The following AKT3 variants were observed in gnomAD, a reference collection of about 807,000 sequenced individuals.
The protein encoded by AKT3 is AKT serine/threonine kinase 3.
AKT3 carries 15 observed loss-of-function variants against 65.3 expected under a neutral mutation model. The observed-to-expected ratio is 0.23, with a 90% CI of 0.15 to 0.35. AKT3 has a LOEUF of 0.35. Ranked by LOEUF, AKT3 falls within the 10% of genes least tolerant of loss-of-function variation. AKT3 has a pLI of 1.00. For missense variants in AKT3, 243 were observed against 576.5 expected (o/e 0.42, Z 5.92); for synonymous variants, 206 against 183.8 (o/e 1.12, Z -0.98).
At chr1:243,732,715 T>A (rs187526084) in intron 2 of AKT3, among the ~76,000 whole-genome samples, 15 of 152,324 alleles carry the variant, frequency 9.8e-5, no homozygotes, top group African/African-American at 3.6e-4. Flanking sequence ...CTACAAAGAA[T>A]CCAGTGCACC....
chr1:243,619,290 A>T (rs1678566441), intron 6 of AKT3, among the ~76,000 whole-genome samples: 1 of 152,152 alleles, frequency 6.6e-6, no homozygotes, highest in Non-Finnish European at 1.5e-5. Flanking sequence ...CACATTCCAT[A>T]TGTGTAATGA....
chr1:243,539,775 T>C (rs1441206350), intron 12 of AKT3, among the ~76,000 whole-genome samples: 4 of 152,162 alleles, frequency 2.6e-5, no homozygotes, highest in African/African-American at 4.8e-5. Context: ...TAAAACTCTT[T>C]TGAAATGAAA....
intron 11 of AKT3, among the ~76,000 whole-genome samples, chr1:243,552,418 GAAAA>G (rs1173598771): frequency 6.8e-6 from 1 of 147,880 alleles, no homozygotes; most frequent in Non-Finnish European, 1.5e-5. Context: ...CTGAAAGAAA[GAAAA>G]GTGATTCTTC....
intron 1 of AKT3, among the ~76,000 whole-genome samples, chr1:243,847,231 T>C (rs1030603530): frequency 6.6e-6 from 1 of 152,128 alleles, no homozygotes; most frequent in Non-Finnish European, 1.5e-5. Context: ...AAAATGAAAA[T>C]GGTTTTTCAG....
intron 6 of AKT3, among the ~76,000 whole-genome samples, chr1:243,626,847 G>C (rs1405788851): frequency 6.6e-6 from 1 of 152,136 alleles, no homozygotes; most frequent in Middle Eastern, 3.2e-3. Flanking sequence ...TATGTTTTGG[G>C]GAAGGATATG....
chr1:243,636,437 A>G (rs1396562624), intron 6 of AKT3, among the ~76,000 whole-genome samples: 1 of 152,090 alleles, frequency 6.6e-6, no homozygotes, highest in Non-Finnish European at 1.5e-5. Flanking sequence ...ACCTGACATT[A>G]TACTACCTCC....
chr1:243,595,063 G>A (rs1318120993), intron 8 of AKT3, among the ~76,000 whole-genome samples: 2 of 152,136 alleles, frequency 1.3e-5, no homozygotes, highest in Non-Finnish European at 2.9e-5. Flanking sequence ...CTTAATGATG[G>A]GGATACATTC....
intron 2 of AKT3, among the ~76,000 whole-genome samples, chr1:243,744,819 T>C (rs941735301): frequency 6.6e-6 from 1 of 151,986 alleles, no homozygotes; most frequent in Non-Finnish European, 1.5e-5. Flanking sequence ...CCACCAACTA[T>C]TAGTTCCAGT....
chr1:243,790,122 A>G (rs530257443), intron 2 of AKT3, among the ~76,000 whole-genome samples: 1 of 152,348 alleles, frequency 6.6e-6, no homozygotes, highest in Non-Finnish European at 1.5e-5. Context: ...CACCAGCTGC[A>G]TTAGCTACGA....
At chr1:243,594,085 TAAG>T (rs1676430671) in intron 8 of AKT3, among the ~76,000 whole-genome samples, 1 of 152,156 alleles carries the variant, frequency 6.6e-6, no homozygotes, top group African/African-American at 2.4e-5. Flanking sequence ...CTAGAACTAA[TAAG>T]TGAGCTTAGG....
At chr1:243,776,402 T>A (rs1289748871) in intron 2 of AKT3, among the ~76,000 whole-genome samples, 2 of 152,146 alleles carry the variant, frequency 1.3e-5, no homozygotes, top group African/African-American at 4.8e-5. Flanking sequence ...AGATTAGAGT[T>A]AGATGAAGTT....
chr1:243,623,558 G>A (rs1042803213), intron 6 of AKT3, among the ~76,000 whole-genome samples: 1 of 152,110 alleles, frequency 6.6e-6, no homozygotes, highest in Non-Finnish European at 1.5e-5. Flanking sequence ...GCACTCTCCT[G>A]GAATGGGGAC....
chr1:243,743,277 A>T (rs1398599378), intron 2 of AKT3, among the ~76,000 whole-genome samples: 1 of 152,212 alleles, frequency 6.6e-6, no homozygotes, highest in Non-Finnish European at 1.5e-5. Context: ...TAATAATTTT[A>T]CCCTGGAAGA....
chr1:243,564,911 G>A (rs1258415251), intron 9 of AKT3, among the ~76,000 whole-genome samples: 1 of 151,192 alleles, frequency 6.6e-6, no homozygotes, highest in Non-Finnish European at 1.5e-5. Flanking sequence ...CCTGGACTCT[G>A]AAGTTAATAT....
intron 6 of AKT3, among the ~76,000 whole-genome samples, chr1:243,621,435 C>T (rs1158219979): frequency 6.6e-6 from 1 of 152,134 alleles, no homozygotes; most frequent in African/African-American, 2.4e-5. Flanking sequence ...TTGCTGCTTC[C>T]TTTGCTCTGA....
In AKT3 at chr1:243,613,953, CTAAAAT is replaced by C. The variant is rs368764571; in HGVS notation, c.628-220_628-215del. ...ACAATAGGTATTATTACAAGAAAAA[CTAAAAT>C]TAAAATTTCAAGTAAAAGTAAACTT... On this transcript the variant is annotated intron_variant, in intron 7 of 13. Transcript: ENST00000673466. 4.2e-3 allele frequency among the ~76,000 whole-genome samples: 642 copies of C among 152,132 alleles called. 5 individuals are homozygous for C. Among genetic ancestry groups the C allele is most frequent in the African/African-American group, 0.015 (615 of 41,526 alleles).
At chr1:243,661,229 A>G (rs1682297344) in intron 4 of AKT3, among the ~76,000 whole-genome samples, 1 of 152,152 alleles carries the variant, frequency 6.6e-6, no homozygotes, top group African/African-American at 2.4e-5. Context: ...TATGGAACCA[A>G]AAAAGAGCCT....
chr1:243,637,684 A>G lies in AKT3; in HGVS notation c.488T>C (p.Ile163Thr). 1 of 1,603,686 alleles carries G rather than the reference A, an allele frequency of 6.2e-7. No homozygotes were observed. The highest frequency in any genetic ancestry group is 8.5e-7 in the Non-Finnish European group (1 of 1,171,520). The change falls in exon 6 of 14, where the codon ATT becomes ACT. Residue 163 changes from isoleucine (I) to threonine (T), a missense_variant. By Grantham distance (89) the Ile-to-Thr change is moderately conservative (BLOSUM62 -1). Around this residue, in one of 6 missense-constraint regions of AKT3, gnomAD observed 61 missense variants for 163.3 expected, o/e 0.37. Coordinates refer to ENST00000673466, the MANE Select transcript of AKT3 (RefSeq NM_005465.7). ...LLGKGTFGKV[I>T]LVREKASGKY... ...TCCACTTGCCTTCTCTCGAACCAAA[A>G]TAACTTTCCCAAAAGTGCCTTTACC...
chr1:243,597,348 T>C lies in AKT3; in HGVS notation c.696+16323A>G, dbSNP rs75220870. Among the ~76,000 whole-genome samples the C allele has an allele frequency of 9.2e-3, 1,407 of 152,318 alleles. 21 individuals are homozygous for C. Among genetic ancestry groups the C allele is most frequent in the African/African-American group, 0.032 (1,334 of 41,576 alleles). The stretch of plus-strand genomic sequence containing the variant: ...TTTTAAAATGATAAAATTGAAAATA[T>C]GTGTACAGTATAAACAGTGGAAAAT... On this transcript the variant is annotated intron_variant, in intron 8 of 13. Coordinates refer to ENST00000673466, the MANE Select transcript of AKT3 (RefSeq NM_005465.7).
Sources: gnomAD v4.1 joint callset for allele counts (sites outside exome capture counted in the v4.1 genomes callset) on GRCh38, gnomAD v4.1.1 for gene constraint, gnomAD v4.1.1 regional missense constraint, MANE v1.5 for transcripts, NCBI Gene and HGNC (gene_info 2026-07-23, HGNC 2026-07-21) for gene names.